The following BTBD3 variants were observed in gnomAD, a reference collection of about 807,000 sequenced individuals.
BTBD3 encodes the protein BTB/POZ domain-containing protein 3.
BTBD3 carries 14 observed loss-of-function variants against 41.6 expected under a neutral mutation model. That is an observed-to-expected ratio of 0.34 (90% CI 0.22 to 0.53). The LOEUF is 0.53. Ranked by LOEUF, BTBD3 falls within the 20% of genes least tolerant of loss-of-function variation. The pLI, the probability that BTBD3 is intolerant of heterozygous loss-of-function variation, is 0.95. For missense variants in BTBD3, 426 were observed against 654.7 expected (o/e 0.65, Z 3.81); for synonymous variants, 249 against 233.7 (o/e 1.07, Z -0.60).
At position 11,923,435 on chromosome 20, in the gene BTBD3, G is replaced by A; in HGVS notation, c.1338G>A (p.Gly446=). ...GQNLSKYFSD[G]SSNTFPVWFE... is the part of the protein sequence containing the mutation. Reference sequence around the variant, plus strand: ...ACTTGAGCAAGTACTTCTCAGATGGGTCCAGCAATACCTTTCCCGTATGGT... The same window carrying A: ...ACTTGAGCAAGTACTTCTCAGATGGATCCAGCAATACCTTTCCCGTATGGT... The change falls in exon 4 of 4, where the codon GGG becomes GGA. Residue 446 remains glycine (G), a synonymous_variant. Coordinates refer to ENST00000378226, the MANE Select transcript of BTBD3 (RefSeq NM_014962.4). The surrounding 1 kb of genome is among the most constrained non-coding windows in gnomAD (Gnocchi z 5.3). 6.2e-7 allele frequency: 1 copy of A among 1,614,216 alleles called. No homozygotes were observed. Among genetic ancestry groups the A allele is most frequent in the Non-Finnish European group, 8.5e-7 (1 of 1,180,034 alleles).
chr20:11,914,204 T>G (rs968606126), upstream of BTBD3, among the ~76,000 whole-genome samples: 1 of 152,120 alleles, frequency 6.6e-6, no homozygotes, highest in African/African-American at 2.4e-5. Flanking sequence ...ACCCAGTGGG[T>G]GATGTTTCTG....
At chr20:11,917,124 T>G (rs1319525597), upstream of BTBD3, among the ~76,000 whole-genome samples, 1 of 152,226 alleles carries the variant, frequency 6.6e-6, no homozygotes, top group Non-Finnish European at 1.5e-5. Context: ...CCTTAACAGT[T>G]AAGTTGAATT....
At chr20:11,898,023 T>A (rs1178075281) in intron 1 of BTBD3, among the ~76,000 whole-genome samples, 1 of 152,118 alleles carries the variant, frequency 6.6e-6, no homozygotes, top group African/African-American at 2.4e-5. Flanking sequence ...CCAGACGTGA[T>A]GGCATGCACC....
intron 1 of BTBD3, among the ~76,000 whole-genome samples, chr20:11,892,330 C>G (rs921050803): frequency 1.3e-5 from 2 of 152,208 alleles, no homozygotes; most frequent in Admixed American, 6.5e-5. Context: ...GTCCCCTACT[C>G]AACCCTCTGC....
chr20:11,901,940 ATT>A (rs916020507), intron 1 of BTBD3, among the ~76,000 whole-genome samples: 20 of 152,154 alleles, frequency 1.3e-4, no homozygotes, highest in African/African-American at 4.8e-4. Context: ...ACCTCTTAAA[ATT>A]TTTTTAAGAG....
At chr20:11,916,311 A>C (rs930387636), upstream of BTBD3, among the ~76,000 whole-genome samples, 1 of 152,220 alleles carries the variant, frequency 6.6e-6, no homozygotes, top group Non-Finnish European at 1.5e-5. Context: ...ATAGGAGCTT[A>C]CTTGTTTCTT....
chr20:11,894,686 C>T (rs944981499), intron 1 of BTBD3, among the ~76,000 whole-genome samples: 3 of 150,966 alleles, frequency 2.0e-5, no homozygotes, highest in Admixed American at 6.6e-5. Flanking sequence ...CACTTTTTGG[C>T]GTTTTTCAAC....
intron 1 of BTBD3, among the ~76,000 whole-genome samples, chr20:11,899,535 T>A (rs570643111): frequency 4.3e-4 from 66 of 152,312 alleles, no homozygotes; most frequent in Admixed American, 2.7e-3. Context: ...CTTAAAGTAT[T>A]TGCATTCTTT....
intron 1 of BTBD3, among the ~76,000 whole-genome samples, chr20:11,897,248 A>G (rs1304376587): frequency 6.6e-6 from 1 of 152,110 alleles, no homozygotes; most frequent in Non-Finnish European, 1.5e-5. Flanking sequence ...GTATATTTCC[A>G]CCTCAGACAT....
chr20:11,907,927 G>A (rs1272560870), intron 1 of BTBD3, among the ~76,000 whole-genome samples: 2 of 152,128 alleles, frequency 1.3e-5, no homozygotes, highest in East Asian at 3.9e-4. Flanking sequence ...CCCTTCTTCC[G>A]GGGCGGATGC....
rs1335460515 is a variant in BTBD3, at chr20:11,926,245, TC to T, written c.*2580del. 6.6e-6 allele frequency: 1 copy of T among 152,650 alleles called. No individual in the cohort carries two copies. Among genetic ancestry groups the T allele is most frequent in the African/African-American group, 2.4e-5 (1 of 41,448 alleles). 9.5% of individuals were successfully genotyped at this position (152,650 alleles called of 1,614,324 possible). On this transcript the variant is annotated 3_prime_UTR_variant, in exon 4 of 4. Transcript: ENST00000378226. ...GCTGGCAGTCTTTGTCGTTGTTCAT[TC>T]TGGGGATAAAGGGGAACTAGGCTAG... is the stretch of plus-strand genomic sequence containing the variant.
At chr20:11,891,080 C>T (rs1367297039) in intron 1 of BTBD3, 5 of 666,524 alleles carry the variant, frequency 7.5e-6, no homozygotes, top group Non-Finnish European at 9.3e-6. Context: ...AGAGGCCGGG[C>T]TGGTGGCCGC....
At position 11,923,172 on chromosome 20, in the gene BTBD3, G is replaced by T. The variant is rs760934319; in HGVS notation, c.1075G>T (p.Glu359Ter). 1 of 1,614,236 alleles carries T rather than the reference G, an allele frequency of 6.2e-7. No homozygotes were observed. The highest frequency in any genetic ancestry group is 8.5e-7 in the Non-Finnish European group (1 of 1,180,044). The change falls in exon 4 of 4, where the codon GAG (glutamate) becomes TAG (stop). Residue 359 changes from glutamate (E) to a stop codon, truncating the protein, a stop_gained. Coordinates refer to ENST00000378226, the MANE Select transcript of BTBD3 (RefSeq NM_014962.4). LOFTEE classifies it high-confidence loss of function. This position sits in a 1 kb window ranked among gnomAD's most constrained non-coding sequence, Gnocchi z 5.3. Reference protein sequence around the residue: ...FLWYTAAKKPELQFVSKARKG... With the variant: ...FLWYTAAKKP ...CTGGTATACTGCAGCCAAAAAGCCTGAGCTTCAGTTTGTGAGTAAAGCCCG... is the reference window on the plus strand; with the variant it reads ...CTGGTATACTGCAGCCAAAAAGCCTTAGCTTCAGTTTGTGAGTAAAGCCCG...
chr20:11,892,215 C>T (rs1472795529), intron 1 of BTBD3, among the ~76,000 whole-genome samples: 1 of 152,162 alleles, frequency 6.6e-6, no homozygotes, highest in African/African-American at 2.4e-5. Context: ...GCACTCAAAA[C>T]AATTGTTCTA....
chr20:11,914,082 A>G (rs954700659), upstream of BTBD3, among the ~76,000 whole-genome samples: 1 of 152,196 alleles, frequency 6.6e-6, no homozygotes, highest in African/African-American at 2.4e-5. Context: ...TAGGGCAGAC[A>G]GCTCTAAAAT....
upstream of BTBD3, among the ~76,000 whole-genome samples, chr20:11,914,062 T>C (rs1162343218): frequency 6.6e-6 from 1 of 152,188 alleles, no homozygotes; most frequent in Non-Finnish European, 1.5e-5. Flanking sequence ...TCTTGGCCTA[T>C]TTACCTCATT....
intron 3 of BTBD3, among the ~76,000 whole-genome samples, chr20:11,921,077 A>G (rs2056966531): frequency 6.6e-6 from 1 of 152,212 alleles, no homozygotes; most frequent in Non-Finnish European, 1.5e-5. Context: ...TTTTACCTGC[A>G]AGTATCCCCA....
At chr20:11,904,617 T>C (rs1404578511) in intron 1 of BTBD3, among the ~76,000 whole-genome samples, 3 of 152,164 alleles carry the variant, frequency 2.0e-5, no homozygotes, top group African/African-American at 7.2e-5. Context: ...AGAAAACTTG[T>C]TTATAGGGGT....
At chr20:11,895,381 AATAG>A (rs2056780315) in intron 1 of BTBD3, among the ~76,000 whole-genome samples, 1 of 152,206 alleles carries the variant, frequency 6.6e-6, no homozygotes, top group African/African-American at 2.4e-5. Flanking sequence ...CTTATTGTAA[AATAG>A]ATGGTCTTTC....
Sources: allele counts gnomAD v4.1 joint callset (sites outside exome capture counted in the v4.1 genomes callset), GRCh38; gene constraint gnomAD v4.1.1; non-coding constraint Gnocchi (gnomAD v3.1); transcripts MANE v1.5; gene names NCBI Gene and HGNC (gene_info 2026-07-23, HGNC 2026-07-21).